Variants in SGO1 observed in about 807,000 individuals in gnomAD.
The protein encoded by SGO1 is shugoshin 1, also known as serologically defined breast cancer antigen NY-BR-85.
A neutral mutation model predicts 50.5 loss-of-function variants in SGO1; 39 were observed. The observed-to-expected ratio is 0.77, with a 90% CI of 0.60 to 1.01. The LOEUF is 1.01. Among genes scored for constraint, SGO1 ranks in the 50% least tolerant of loss-of-function variants. The pLI, the probability that SGO1 is intolerant of heterozygous loss-of-function variation, is 0.00. For missense variants in SGO1, 638 were observed against 606.0 expected, an observed-to-expected ratio of 1.05 and a Z score of -0.55; for synonymous variants, 191 against 205.1, an observed-to-expected ratio of 0.93 and a Z score of 0.59.
chr3:20,177,876 A>AT, intron 4 of SGO1, among the ~76,000 whole-genome samples: 1 of 128,914 alleles, frequency 7.8e-6, no homozygotes, highest in East Asian at 1.9e-4. Flanking sequence ...TAAATATGAT[A>AT]TTTTATTTAT....
Position 20,171,134 on chromosome 3 carries a change from A to G in SGO1, c.1381T>C (p.Ser461Pro). Residue 461 changes from serine (S) to proline (P), a missense_variant, in exon 7 of 8, where the codon TCT (serine) becomes CCT (proline). Transcript: ENST00000412997. ...GGGCTTGCTTTATTCTTTTTTGGAG[A>G]AAGAGAAAGTCTTCTGATTTTCACA... The part of the protein sequence containing the change: ...PVVKIRRLSL[S>P]PKKNKASPAV... 6.2e-7 allele frequency: 1 copy of G among 1,613,196 alleles called. No individual in the cohort carries two copies. Among genetic ancestry groups the G allele is most frequent in the Non-Finnish European group, 8.5e-7 (1 of 1,179,662 alleles).
chr3:20,163,502 A>G (rs894766357), intron 8 of SGO1, among the ~76,000 whole-genome samples: 35 of 152,188 alleles, frequency 2.3e-4, no homozygotes, highest in Non-Finnish European at 4.6e-4. Context: ...TAGGATTGCT[A>G]TATTTTCTAG....
intron 3 of SGO1, among the ~76,000 whole-genome samples, chr3:20,182,895 G>A (rs1702186400): frequency 6.6e-6 from 1 of 152,056 alleles, no homozygotes; most frequent in Non-Finnish European, 1.5e-5. Flanking sequence ...GCGGGTGCCT[G>A]TAGTCCCAGC....
intron 5 of SGO1, among the ~76,000 whole-genome samples, chr3:20,176,150 T>C (rs1219521869): frequency 2.6e-5 from 4 of 152,220 alleles, no homozygotes; most frequent in African/African-American, 9.6e-5. Flanking sequence ...CATGGACATA[T>C]CAATTTAAAA....
Position 20,170,187 on chromosome 3 carries a change from T to C in SGO1, c.*517A>G, listed in dbSNP as rs1469278207. Reference sequence around the variant, plus strand: ...GCCGAGGTGGGCAGATCACCTGAGGTTGGGAGTTTGAGAGCAACCTGACCA... The same window carrying C: ...GCCGAGGTGGGCAGATCACCTGAGGCTGGGAGTTTGAGAGCAACCTGACCA... On this transcript the variant is annotated 3_prime_UTR_variant, in exon 8 of 8. Coordinates refer to ENST00000412997, the MANE Select transcript of SGO1 (RefSeq NM_001199251.3). The C allele has an allele frequency of 4.5e-5, 37 of 816,772 alleles. No homozygotes were observed. The South Asian group carries it at 2.0e-3, about 43-fold the overall frequency. 50.6% of individuals were successfully genotyped at this position (816,772 alleles called of 1,614,324 possible).
intron 1 of SGO1, 143 bp from the exon 2 acceptor site, chr3:20,184,177 T>C: frequency 1.8e-6 from 1 of 548,430 alleles, no homozygotes; most frequent in Admixed American, 4.1e-5. Flanking sequence ...CTTGATAATA[T>C]AAATTTTCCC....
At chr3:20,176,715 T>C in intron 4 of SGO1, 56 bp from the exon 5 acceptor site, 3 of 1,159,388 alleles carry the variant, frequency 2.6e-6, no homozygotes, top group Non-Finnish European at 3.7e-6. Context: ...AAAAACAAAT[T>C]CAGTATTTTC....
At chr3:20,166,346 A>G (rs559945037), downstream of SGO1, among the ~76,000 whole-genome samples, 1 of 152,308 alleles carries the variant, frequency 6.6e-6, no homozygotes, top group South Asian at 2.1e-4. Context: ...ACAAACTTAA[A>G]TGTTCATTGA....
chr3:20,161,151 G>T, exon 9 of SGO1: 2 of 1,613,688 alleles, frequency 1.2e-6, no homozygotes, highest in Admixed American at 3.3e-5. Context: ...CCTACAGTCT[G>T]GGAATCTCGA....
chr3:20,173,365 C>G (rs1700995703), intron 6 of SGO1, among the ~76,000 whole-genome samples: 1 of 152,038 alleles, frequency 6.6e-6, no homozygotes, highest in East Asian at 1.9e-4. Context: ...GTCTTGGACT[C>G]CTGACCTCAG....
At chr3:20,168,336 G>C (rs987602047), downstream of SGO1, among the ~76,000 whole-genome samples, 1 of 151,914 alleles carries the variant, frequency 6.6e-6, no homozygotes, top group African/African-American at 2.4e-5. Flanking sequence ...TAGGATTGTA[G>C]GCCAAGAGGC....
chr3:20,179,892 T>C (rs1340830779), intron 3 of SGO1, among the ~76,000 whole-genome samples: 2 of 152,176 alleles, frequency 1.3e-5, no homozygotes, highest in Non-Finnish European at 2.9e-5. Context: ...TTGCATATTA[T>C]TACTGCAAGG....
rs1412014127 is a variant in SGO1 at position 20,169,629 on chromosome 3, T to C, written c.*1075A>G. 1.0e-6 allele frequency: 1 copy of C among 983,740 alleles called. No homozygotes were observed. The highest frequency in any genetic ancestry group is 1.2e-6 in the Non-Finnish European group (1 of 828,512). 60.9% of individuals were successfully genotyped at this position (983,740 alleles called of 1,614,324 possible). On this transcript the variant is annotated 3_prime_UTR_variant, in exon 8 of 8. Transcript: ENST00000412997. ...GTTGGTCAAAAATATGCAAAAACCC[T>C]AAATATTCACACATTTAATCTCTGA...
intron 1 of SGO1, among the ~76,000 whole-genome samples, chr3:20,184,289 A>G (rs906042715): frequency 3.3e-5 from 5 of 152,196 alleles, no homozygotes. Context: ...AGATTCCACA[A>G]TATGCCACTT....
Position 20,161,199 on chromosome 3 carries a change from T to G in SGO1, c.1592A>C (p.Glu531Ala), listed in dbSNP as rs762820488. 71 of 1,607,884 alleles carry G rather than the reference T, an allele frequency of 4.4e-5. 1 individual carries two copies. In the Admixed American group the frequency reaches 6.3e-4, roughly 14 times the overall value. ...AACATAATATAAAATAAAAATTGCTTCTTTGGCAGGTGATACCTCCAGGGC... is the reference window on the plus strand; with the variant it reads ...AACATAATATAAAATAAAAATTGCTGCTTTGGCAGGTGATACCTCCAGGGC... Residue 531 changes from glutamate to alanine, a missense_variant, in exon 9 of 9, where the codon GAA becomes GCA. Transcript: ENST00000263753.
chr3:20,184,319 C>T (rs1702374766), intron 1 of SGO1, among the ~76,000 whole-genome samples: 1 of 152,154 alleles, frequency 6.6e-6, no homozygotes, highest in Non-Finnish European at 1.5e-5. Flanking sequence ...TTAACAAATA[C>T]TCACTGTGGG....
downstream of SGO1, among the ~76,000 whole-genome samples, chr3:20,164,650 T>G (rs1228419937): frequency 6.6e-6 from 1 of 151,934 alleles, no homozygotes; most frequent in African/African-American, 2.4e-5. Context: ...CGTGCAGACT[T>G]TAATTAAGAT....
In SGO1 at chr3:20,174,311, C is replaced by T. The variant is rs1300376239; in HGVS notation, c.1220G>A (p.Arg407Lys). 1 of 1,614,170 alleles carries T rather than the reference C, an allele frequency of 6.2e-7. No homozygotes were observed. The highest frequency in any genetic ancestry group is 2.2e-5 in the East Asian group (1 of 44,884). ...TTTTTCATCTGTGTATTTCAGTGCT[C>T]TTTTAGCTAGAGGCCTGGTGACTGG... ...DRPVTRPLAK[R>K]ALKYTDEKET... The change falls in exon 6 of 8, where the codon AGA (arginine) becomes AAA (lysine). Residue 407 changes from arginine (R) to lysine (K), a missense_variant. Arg to Lys is a conservative substitution (Grantham distance 26, BLOSUM62 2). Coordinates refer to ENST00000412997, the MANE Select transcript of SGO1 (RefSeq NM_001199251.3).
Position 20,183,493 on chromosome 3 carries a change from A to T in SGO1, c.339+115T>A, listed in dbSNP as rs1702255875. 12 of 888,974 alleles carry T rather than the reference A, an allele frequency of 1.3e-5. No homozygotes were observed. The South Asian group carries it at 2.1e-4, about 15-fold the overall frequency. 55.1% of individuals were successfully genotyped at this position (888,974 alleles called of 1,614,324 possible). ...CTGGAGCACTAAAGAAGGATGTTTT[A>T]AACAATTCATGCATAACTGAGCTAT... On this transcript the variant is annotated intron_variant, in intron 3 of 7. Coordinates refer to ENST00000412997, the MANE Select transcript of SGO1 (RefSeq NM_001199251.3).
Sources: allele counts gnomAD v4.1 joint callset (sites outside exome capture counted in the v4.1 genomes callset), GRCh38; gene constraint gnomAD v4.1.1; transcripts MANE v1.5; gene names NCBI Gene and HGNC (gene_info 2026-07-23, HGNC 2026-07-21).